TDRP: variants seen among roughly 807,000 people sequenced by gnomAD.
TDRP encodes testis development related protein.
TDRP carries 12 observed loss-of-function variants against 10.5 expected under a neutral mutation model. The ratio of observed to expected loss-of-function variants is 1.15; its 90% confidence interval spans 0.73 to 1.86. TDRP has a LOEUF of 1.86. Ranked by LOEUF, TDRP falls within the 40% of genes most tolerant of loss-of-function variation. TDRP has a pLI of 0.00. For missense variants in TDRP, 353 were observed against 229.2 expected (o/e 1.54, Z -3.49); for synonymous variants, 139 against 95.4 (o/e 1.46, Z -2.67).
intron 1 of TDRP, among the ~76,000 whole-genome samples, chr8:533,156 G>C (rs1802252984): frequency 6.6e-6 from 1 of 152,148 alleles, no homozygotes; most frequent in Non-Finnish European, 1.5e-5. Context: ...AACAAATTAT[G>C]AGTTCTGAAG....
Position 491,288 on chromosome 8 carries a change from G to C in TDRP, c.*1111C>G, listed in dbSNP as rs1800965442. 1 of 236,060 alleles carries C rather than the reference G, an allele frequency of 4.2e-6. No individual in the cohort carries two copies. The highest frequency in any genetic ancestry group is 7.9e-5 in the East Asian group (1 of 12,726). The allele number at this position is 236,060 out of a possible 1,614,324, so 14.6% of individuals were successfully genotyped here. On this transcript the variant is annotated 3_prime_UTR_variant, in exon 3 of 3. Coordinates refer to ENST00000324079, the MANE Select transcript of TDRP (RefSeq NM_001384899.1). ...TTTTATTTTACTTTTAAACAAAAAA[G>C]AAAAATATACCTTTTCTTTCAAACC...
At chr8:511,513 T>C (rs1801617372) in intron 1 of TDRP, among the ~76,000 whole-genome samples, 1 of 152,054 alleles carries the variant, frequency 6.6e-6, no homozygotes, top group Admixed American at 6.5e-5. Flanking sequence ...AAAAATCCAA[T>C]ATTCACAGAG....
At chr8:511,653 G>C (rs964246611) in intron 1 of TDRP, among the ~76,000 whole-genome samples, 1 of 152,178 alleles carries the variant, frequency 6.6e-6, no homozygotes, top group Non-Finnish European at 1.5e-5. Flanking sequence ...TTCTTCTCAA[G>C]TGCAAACAGA....
At chr8:531,813 C>T (rs1292006637) in intron 1 of TDRP, among the ~76,000 whole-genome samples, 2 of 152,102 alleles carry the variant, frequency 1.3e-5, no homozygotes, top group Non-Finnish European at 2.9e-5. Context: ...CAAAGAATAG[C>T]TAAAAGGAGA....
chr8:498,844 T>A (rs1318748803), intron 1 of TDRP, among the ~76,000 whole-genome samples: 2 of 151,812 alleles, frequency 1.3e-5, no homozygotes, highest in African/African-American at 2.4e-5. Flanking sequence ...TAGTGAGTTC[T>A]CACAAGATCT....
rs1390806786 is a variant in TDRP at position 492,191 on chromosome 8, A to C, written c.*208T>G. On this transcript the variant is annotated 3_prime_UTR_variant, in exon 3 of 3. Coordinates refer to ENST00000324079, the MANE Select transcript of TDRP (RefSeq NM_001384899.1). ...CTGATAGGTGAATATTTCTGCAATA[A>C]GGCAATCAAATGTACAATCCCTGCA... The C allele has an allele frequency of 1.6e-6, 2 of 1,264,674 alleles. No homozygotes were observed. The highest frequency in any genetic ancestry group is 3.6e-5 in the South Asian group (1 of 27,546). The allele number at this position is 1,264,674 out of a possible 1,614,324, so 78.3% of individuals were successfully genotyped here.
At position 492,038 on chromosome 8, in the gene TDRP, G is replaced by A. The variant is rs899157258; in HGVS notation, c.*361C>T. The A allele has an allele frequency of 1.4e-5, 16 of 1,118,034 alleles. No individual in the cohort carries two copies. The highest frequency in any genetic ancestry group is 1.1e-4 in the African/African-American group (7 of 61,734). 69.3% of individuals were successfully genotyped at this position (1,118,034 alleles called of 1,614,324 possible). On this transcript the variant is annotated 3_prime_UTR_variant, in exon 3 of 3. Transcript: ENST00000324079. ...CGTGCTACATACAAGAAAAAGGTAC[G>A]GAAGTTCTGAAACAGAACTACAACA...
chr8:533,215 C>T (rs1321445752), intron 1 of TDRP, among the ~76,000 whole-genome samples: 2 of 152,174 alleles, frequency 1.3e-5, no homozygotes, highest in East Asian at 3.9e-4. Context: ...AAGCCAGAAG[C>T]ACATAAGCCT....
At chr8:535,468 G>C (rs1468942901) in intron 1 of TDRP, among the ~76,000 whole-genome samples, 1 of 152,142 alleles carries the variant, frequency 6.6e-6, no homozygotes, top group Non-Finnish European at 1.5e-5. Flanking sequence ...GCCCTGAGCA[G>C]ACAGGAAAGA....
intron 1 of TDRP, among the ~76,000 whole-genome samples, chr8:532,078 A>C (rs1802214600): frequency 6.6e-6 from 1 of 152,228 alleles, no homozygotes; most frequent in Non-Finnish European, 1.5e-5. Flanking sequence ...CAACAGTGTC[A>C]GAAATCCAGG....
upstream of TDRP, chr8:544,859 G>T: frequency 1.1e-6 from 1 of 873,064 alleles, no homozygotes; most frequent in Non-Finnish European, 1.5e-6. Context: ...CGGGACGCGG[G>T]CCCAGTGGGC....
Position 544,685 on chromosome 8 carries a change from G to GC in TDRP, c.72dup (p.Pro25AlafsTer29). On this transcript the variant is annotated frameshift_variant, in exon 1 of 3. Transcript: ENST00000324079. LOFTEE classifies it high-confidence loss of function. ...GCGGCGGCGGCGGCGGCCGGTGGCGGCCCCCCACGCAGGCCGTCCTCCTCC... is the reference window on the plus strand; with the variant it reads ...GCGGCGGCGGCGGCGGCCGGTGGCGGCCCCCCCACGCAGGCCGTCCTCCTCC... 2.4e-6 allele frequency: 3 copies of GC among 1,244,380 alleles called. No individual in the cohort carries two copies. Among genetic ancestry groups the GC allele is most frequent in the Non-Finnish European group, 3.0e-6 (3 of 995,204 alleles). The allele number at this position is 1,244,380 out of a possible 1,614,324, so 77.1% of individuals were successfully genotyped here.
At chr8:516,274 C>T (rs535973896) in intron 1 of TDRP, among the ~76,000 whole-genome samples, 17 of 152,110 alleles carry the variant, frequency 1.1e-4, no homozygotes, top group African/African-American at 3.4e-4. Flanking sequence ...GGGACTATGG[C>T]GTGTCCCTCA....
intron 1 of TDRP, among the ~76,000 whole-genome samples, chr8:498,450 TG>T (rs766814975): frequency 6.3e-4 from 96 of 152,320 alleles, no homozygotes; most frequent in Non-Finnish European, 1.2e-3. Flanking sequence ...CCTTTTGTTG[TG>T]GGTGCATTTA....
rs1235449186 is a variant in TDRP at position 491,384 on chromosome 8, C to G, written c.*1015G>C. 1 of 389,670 alleles carries G rather than the reference C, an allele frequency of 2.6e-6. No individual in the cohort carries two copies. The highest frequency in any genetic ancestry group is 3.7e-5 in the East Asian group (1 of 26,880). The allele number at this position is 389,670 out of a possible 1,614,324, so 24.1% of individuals were successfully genotyped here. A position where few individuals can be genotyped will look rare whatever the true frequency, so the allele number is the denominator to read the frequency against. ...CCTTCCAGGGACGCATAACTGGCACCTGATACTGTGCAGGATCACATTGTC... is the reference window on the plus strand; with the variant it reads ...CCTTCCAGGGACGCATAACTGGCACGTGATACTGTGCAGGATCACATTGTC... On this transcript the variant is annotated 3_prime_UTR_variant, in exon 3 of 3. Coordinates refer to ENST00000324079, the MANE Select transcript of TDRP (RefSeq NM_001384899.1).
intron 1 of TDRP, among the ~76,000 whole-genome samples, chr8:512,188 G>A (rs761599381): frequency 6.6e-6 from 1 of 151,924 alleles, no homozygotes; most frequent in East Asian, 1.9e-4. Flanking sequence ...CAAATTGGAA[G>A]GCCACAGCAG....
At position 492,613 on chromosome 8, in the gene TDRP, G is replaced by C. The variant is rs199902121; in HGVS notation, c.344C>G (p.Ala115Gly). The stretch of plus-strand genomic sequence containing the variant: ...AGGGTCAGCCGATATGTCTTCAAGA[G>C]CAAGTTTTGGAGGCTCCCAACCTTC... ...EIEGWEPPKLALEDISADPED... is the reference protein window; with the variant it reads ...EIEGWEPPKLGLEDISADPED... Residue 115 changes from alanine (A) to glycine (G), a missense_variant, in exon 3 of 3, where the codon GCT becomes GGT. Ala to Gly is a moderately conservative substitution (Grantham distance 60). Transcript: ENST00000324079. 3.1e-6 allele frequency: 5 copies of C among 1,613,994 alleles called. No homozygotes were observed. The Admixed American group carries it at 8.3e-5, about 27-fold the overall frequency.
chr8:539,309 T>C (rs995726748), intron 1 of TDRP, among the ~76,000 whole-genome samples: 2 of 152,040 alleles, frequency 1.3e-5, no homozygotes, highest in Non-Finnish European at 2.9e-5. Context: ...GAGGATGTAG[T>C]GTGAAGGCAG....
chr8:492,486 C>T lies in TDRP; in HGVS notation c.471G>A (p.Arg157=). 1.2e-6 allele frequency: 2 copies of T among 1,611,042 alleles called. No individual in the cohort carries two copies. Among genetic ancestry groups the T allele is most frequent in the Non-Finnish European group, 1.7e-6 (2 of 1,178,234 alleles). ...TSLASSANSS[R]WSLRAAGRLV... ...GCCTCCCTGCCGCGCGCAGGCTCCA[C>T]CTGGAGCTGTTGGCAGAGCTGGCCA... Residue 157 remains arginine (R), a synonymous_variant, in exon 3 of 3, where the codon AGG becomes AGA. Coordinates refer to ENST00000324079, the MANE Select transcript of TDRP (RefSeq NM_001384899.1).
Sources: gnomAD v4.1 joint callset for allele counts (sites outside exome capture counted in the v4.1 genomes callset) on GRCh38, gnomAD v4.1.1 for gene constraint, MANE v1.5 for transcripts, NCBI Gene and HGNC (gene_info 2026-07-23, HGNC 2026-07-21) for gene names.